The following ZSWIM6 variants were observed in gnomAD, a reference collection of about 807,000 sequenced individuals.
ZSWIM6 encodes the protein zinc finger SWIM-type containing 6.
A neutral mutation model predicts 113.2 loss-of-function variants in ZSWIM6; 9 were observed. The ratio of observed to expected loss-of-function variants is 0.08; its 90% CI spans 0.05 to 0.14. ZSWIM6 has a LOEUF of 0.14. Ranked by LOEUF, ZSWIM6 falls within the 10% of genes least tolerant of loss-of-function variation. The pLI is 1.00. For synonymous variants in ZSWIM6, 611 were observed against 606.5 expected, an observed-to-expected ratio of 1.01 and a Z score of -0.11; for missense variants, 1,162 against 1,552.2, an observed-to-expected ratio of 0.75 and a Z score of 4.22.
rs748556109 is a variant in ZSWIM6 at position 61,373,372 on chromosome 5, C to CTTTT, written c.676+40444_676+40447dup. 2.8e-3 allele frequency among the ~76,000 whole-genome samples: 293 copies of CTTTT among 102,938 alleles called. 2 individuals carry two copies. Among genetic ancestry groups the CTTTT allele is most frequent in the Middle Eastern group, 7.9e-3 (1 of 126 alleles). The allele number at this position is 102,938 out of a possible 152,430, so 67.5% of individuals were successfully genotyped here. ...CTAAAATTTCTTCTACTCAGTATTT[C>CTTTT]TTTTTTTTTTTTTTTTTTTTTTTGA... On this transcript the variant is annotated intron_variant, in intron 1 of 13. Transcript: ENST00000252744.
intron 1 of ZSWIM6, among the ~76,000 whole-genome samples, chr5:61,357,266 C>G (rs1561205653): frequency 6.6e-6 from 1 of 152,248 alleles, no homozygotes; most frequent in Non-Finnish European, 1.5e-5. Flanking sequence ...TCAGGTTATG[C>G]AGCTGAAACA....
chr5:61,354,491 G>A (rs561057639), intron 1 of ZSWIM6, among the ~76,000 whole-genome samples: 6 of 152,186 alleles, frequency 3.9e-5, no homozygotes, highest in African/African-American at 1.2e-4. Flanking sequence ...TAGGTGTGAC[G>A]TGACACGAGA....
intron 1 of ZSWIM6, among the ~76,000 whole-genome samples, chr5:61,462,380 TTAAAAC>T (rs1431313723): frequency 1.3e-5 from 2 of 152,228 alleles, no homozygotes; most frequent in East Asian, 1.9e-4. Flanking sequence ...CTTTAACTGA[TTAAAAC>T]TAAAAGTTAT....
chr5:61,375,852 G>A lies in ZSWIM6; in HGVS notation c.676+42904G>A, dbSNP rs1392616164. The A allele has an allele frequency of 8.8e-5, 87 of 988,612 alleles. No homozygotes were observed. In the East Asian group the frequency reaches 1.7e-3, roughly 19 times the overall value. 61.2% of individuals were successfully genotyped at this position (988,612 alleles called of 1,614,324 possible). On this transcript the variant is annotated intron_variant, in intron 1 of 13. Transcript: ENST00000252744. ...CTGCTAGTTCAAGTCCTGACTCACC[G>A]TAACATTAAGAAAAATCAGGATTCC...
chr5:61,539,106 T>A, intron 11 of ZSWIM6, 135 bp downstream of exon 11: 2 of 1,065,616 alleles, frequency 1.9e-6, no homozygotes, highest in Non-Finnish European at 2.5e-6. Flanking sequence ...TCTTTAGATG[T>A]TAGCTTTTAA....
chr5:61,543,686 A>T lies in ZSWIM6; in HGVS notation c.3017A>T (p.Asp1006Val). 6.4e-7 allele frequency: 1 copy of T among 1,551,722 alleles called. No homozygotes were observed. The highest frequency in any genetic ancestry group is 1.4e-5 in the African/African-American group (1 of 73,170). ...ALSALTLCEKDHIAFETAYQI... is the reference protein window; with the variant it reads ...ALSALTLCEKVHIAFETAYQI... ...TCTGCGCTAACCCTTTGTGAAAAGG[A>T]TCACATAGCTTTTGAGACGGCGTAC... The change falls in exon 14 of 14, where the codon GAT becomes GTT. Residue 1006 changes from aspartate to valine, a missense_variant. Asp to Val is a radical substitution (Grantham distance 152, BLOSUM62 -3). Around this residue, in one of 4 missense-constraint regions of ZSWIM6, gnomAD observed 620 missense variants for 804.6 expected, o/e 0.77. Coordinates refer to ENST00000252744, the MANE Select transcript of ZSWIM6 (RefSeq NM_020928.2). This position sits in a 1 kb window ranked among gnomAD's most constrained non-coding sequence, Gnocchi z 4.3.
chr5:61,456,503 C>T (rs1475265472), intron 1 of ZSWIM6, among the ~76,000 whole-genome samples: 1 of 152,178 alleles, frequency 6.6e-6, no homozygotes, highest in African/African-American at 2.4e-5. Context: ...CTGCAGATGT[C>T]CCCAGCTAGT....
chr5:61,420,365 C>T (rs1746330713), intron 1 of ZSWIM6, among the ~76,000 whole-genome samples: 1 of 152,228 alleles, frequency 6.6e-6, no homozygotes, highest in Non-Finnish European at 1.5e-5. Context: ...ATATTGTAGA[C>T]ATTTCACTTG....
In ZSWIM6 at chr5:61,531,450, T is replaced by C. The variant is rs775391362; in HGVS notation, c.1985-15T>C. Reference sequence around the variant, plus strand: ...GTAGTTTCTGAGCTCTGATTTCTTTTGTGGCATTTTGCAGAGAATATGGGA... The same window carrying C: ...GTAGTTTCTGAGCTCTGATTTCTTTCGTGGCATTTTGCAGAGAATATGGGA... On this transcript the variant is annotated splice_polypyrimidine_tract_variant and intron_variant, in intron 8 of 13. Transcript: ENST00000252744. The C allele has an allele frequency of 1.6e-5, 24 of 1,531,022 alleles. No individual in the cohort carries two copies. Among genetic ancestry groups the C allele is most frequent in the Non-Finnish European group, 2.0e-5 (23 of 1,130,760 alleles). The allele number at this position is 1,531,022 out of a possible 1,614,324, so 94.8% of individuals were successfully genotyped here.
chr5:61,525,769 GAC>G, intron 5 of ZSWIM6, 29 bp from the exon 6 acceptor site: 1 of 1,550,494 alleles, frequency 6.4e-7, no homozygotes, highest in Non-Finnish European at 8.7e-7. Context: ...AATAATAGCT[GAC>G]ACGGCTTTCT....
At chr5:61,387,426 G>A (rs1271370007) in intron 1 of ZSWIM6, among the ~76,000 whole-genome samples, 4 of 152,228 alleles carry the variant, frequency 2.6e-5, no homozygotes, top group Non-Finnish European at 4.4e-5. Context: ...CACTGTGGGA[G>A]GCTGAGGCAG....
chr5:61,374,654 C>T (rs1745330868), intron 1 of ZSWIM6, among the ~76,000 whole-genome samples: 1 of 152,178 alleles, frequency 6.6e-6, no homozygotes, highest in Non-Finnish European at 1.5e-5. Context: ...CCCGGGTTCA[C>T]GCCATTCTCC....
At chr5:61,539,790 C>T in intron 12 of ZSWIM6, 31 bp downstream of exon 12, 1 of 1,529,598 alleles carries the variant, frequency 6.5e-7, no homozygotes, top group Non-Finnish European at 8.8e-7. Context: ...CCTGGGACAT[C>T]AAAGACTGCT....
chr5:61,449,758 C>T (rs1405958573), intron 1 of ZSWIM6, among the ~76,000 whole-genome samples: 1 of 152,162 alleles, frequency 6.6e-6, no homozygotes, highest in Non-Finnish European at 1.5e-5. Context: ...CCCATTCCAT[C>T]ACTTTATGCT....
intron 2 of ZSWIM6, among the ~76,000 whole-genome samples, chr5:61,473,474 A>C (rs1580014169): frequency 6.6e-6 from 1 of 152,214 alleles, no homozygotes; most frequent in Admixed American, 6.5e-5. Flanking sequence ...AAAACATTAT[A>C]GCTTGTTTAG....
chr5:61,427,752 A>C (rs1460113748), intron 1 of ZSWIM6, among the ~76,000 whole-genome samples: 2 of 152,098 alleles, frequency 1.3e-5, no homozygotes, highest in Non-Finnish European at 2.9e-5. Context: ...AAGTGCTGAC[A>C]TTACAGTTGT....
chr5:61,385,478 A>G (rs1745575769), intron 1 of ZSWIM6, among the ~76,000 whole-genome samples: 2 of 152,286 alleles, frequency 1.3e-5, no homozygotes, highest in Non-Finnish European at 2.9e-5. Context: ...TTGTAGTTAG[A>G]CCTGAGTTTA....
At chr5:61,390,616 C>G (rs902024874) in intron 1 of ZSWIM6, 2 of 664,110 alleles carry the variant, frequency 3.0e-6, no homozygotes, top group African/African-American at 3.7e-5. Context: ...TTTTTTTTTC[C>G]AGTGGAAAAT....
chr5:61,387,020 G>C (rs56161645), intron 1 of ZSWIM6, among the ~76,000 whole-genome samples: 1 of 152,212 alleles, frequency 6.6e-6, no homozygotes, highest in Non-Finnish European at 1.5e-5. Context: ...TATTATTTAT[G>C]ATATTGATAA....
Sources: gnomAD v4.1 joint callset for allele counts (sites outside exome capture counted in the v4.1 genomes callset) on GRCh38, gnomAD v4.1.1 for gene constraint, gnomAD v4.1.1 regional missense constraint, Gnocchi (gnomAD v3.1) non-coding constraint, MANE v1.5 for transcripts, NCBI Gene and HGNC (gene_info 2026-07-23, HGNC 2026-07-21) for gene names.